Variants in HTR1F observed in about 807,000 individuals in gnomAD.
HTR1F encodes 5-hydroxytryptamine receptor 1F, also known as 5-hydroxytryptamine (serotonin) receptor 1F, G protein-coupled.
Under a neutral mutation model 24.0 loss-of-function variants are expected in HTR1F, and 17 were observed. The observed-to-expected ratio is 0.71, with a 90% confidence interval of 0.48 to 1.06. The LOEUF is 1.06. Among genes scored for constraint, HTR1F ranks in the 50% least tolerant of loss-of-function variants. HTR1F has a pLI of 0.00. For synonymous variants in HTR1F, 186 were observed against 156.8 expected (o/e 1.19, Z -1.39); for missense variants, 391 against 427.8 (o/e 0.91, Z 0.76).
At chr3:87,930,055 G>C (rs1379698691) in intron 2 of HTR1F, among the ~76,000 whole-genome samples, 1 of 151,276 alleles carries the variant, frequency 6.6e-6, no homozygotes, top group Non-Finnish European at 1.5e-5. Context: ...TTATCCTTTT[G>C]AGATTGCCTT....
chr3:87,904,915 C>T (rs1323271365), intron 2 of HTR1F, among the ~76,000 whole-genome samples: 1 of 152,038 alleles, frequency 6.6e-6, no homozygotes, highest in African/African-American at 2.4e-5. Flanking sequence ...ACAGCCTGAT[C>T]TGAGGGGTGG....
At chr3:87,931,001 A>G (rs1559636884) in intron 2 of HTR1F, among the ~76,000 whole-genome samples, 2 of 149,124 alleles carry the variant, frequency 1.3e-5, no homozygotes, top group East Asian at 2.0e-4. Context: ...CTTTTCAACA[A>G]CAGCATACTG....
chr3:87,904,540 A>G, intron 2 of HTR1F, among the ~76,000 whole-genome samples: 1 of 152,200 alleles, frequency 6.6e-6, no homozygotes, highest in East Asian at 1.9e-4. Flanking sequence ...AATACTACAC[A>G]GCAAGAAGAA....
intron 2 of HTR1F, among the ~76,000 whole-genome samples, chr3:87,982,420 G>A (rs188187938): frequency 1.6e-4 from 25 of 152,302 alleles, no homozygotes; most frequent in Middle Eastern, 3.4e-3. Context: ...TTTGGGGCAC[G>A]TAGTGACTGT....
chr3:87,956,879 A>C (rs1704955969), intron 2 of HTR1F, among the ~76,000 whole-genome samples: 1 of 151,266 alleles, frequency 6.6e-6, no homozygotes, highest in Non-Finnish European at 1.5e-5. Flanking sequence ...ATTCCTGTAG[A>C]TTTTCAAAGT....
intron 2 of HTR1F, among the ~76,000 whole-genome samples, chr3:87,936,685 T>C (rs1704428010): frequency 6.6e-6 from 1 of 152,170 alleles, no homozygotes; most frequent in Admixed American, 6.5e-5. Context: ...TATAATTTAG[T>C]TGATTTCATA....
intron 2 of HTR1F, among the ~76,000 whole-genome samples, chr3:87,930,771 C>T (rs893912173): frequency 2.0e-5 from 3 of 152,102 alleles, no homozygotes; most frequent in African/African-American, 7.2e-5. Flanking sequence ...ATGAACAGTG[C>T]CTAACACATA....
intron 1 of HTR1F, chr3:87,793,072 G>A (rs1001529290): frequency 1.3e-5 from 2 of 152,540 alleles, no homozygotes; most frequent in Admixed American, 6.5e-5. Context: ...CTGCTCCCTG[G>A]GGGCGAAGTT....
At chr3:87,906,420 T>C (rs562114865) in intron 2 of HTR1F, among the ~76,000 whole-genome samples, 14 of 152,152 alleles carry the variant, frequency 9.2e-5, no homozygotes, top group Non-Finnish European at 1.6e-4. Flanking sequence ...ATAATTTTTA[T>C]AATGTTTTCT....
chr3:87,817,810 T>C (rs1704277718), intron 1 of HTR1F, among the ~76,000 whole-genome samples: 1 of 152,172 alleles, frequency 6.6e-6, no homozygotes, highest in Non-Finnish European at 1.5e-5. Flanking sequence ...AAAGTTTTCA[T>C]CATTTATTGG....
intron 2 of HTR1F, among the ~76,000 whole-genome samples, chr3:87,842,322 G>A (rs1227778971): frequency 5.3e-5 from 8 of 151,406 alleles, no homozygotes; most frequent in East Asian, 1.9e-4. Context: ...CACCACGCCC[G>A]GCTAATTTTT....
chr3:87,946,066 C>A (rs909125173), intron 2 of HTR1F, among the ~76,000 whole-genome samples: 4 of 152,178 alleles, frequency 2.6e-5, no homozygotes, highest in Non-Finnish European at 5.9e-5. Context: ...ACCGTGGAAC[C>A]CAGTGACTAG....
At chr3:87,850,646 T>A (rs1397181189) in intron 2 of HTR1F, among the ~76,000 whole-genome samples, 3 of 151,682 alleles carry the variant, frequency 2.0e-5, no homozygotes, top group African/African-American at 7.3e-5. Flanking sequence ...AATTAAAAAT[T>A]ATGATATATT....
chr3:87,824,373 G>A (rs886819811), intron 2 of HTR1F, among the ~76,000 whole-genome samples: 1 of 152,100 alleles, frequency 6.6e-6, no homozygotes, highest in Non-Finnish European at 1.5e-5. Context: ...AATGCGACAT[G>A]ATTGGATCCC....
intron 1 of HTR1F, among the ~76,000 whole-genome samples, chr3:87,795,213 T>A (rs940583613): frequency 1.3e-5 from 2 of 152,186 alleles, no homozygotes; most frequent in Non-Finnish European, 2.9e-5. Flanking sequence ...CTCGATCTCC[T>A]GACCTCGTGA....
chr3:87,915,817 G>A (rs540575119), intron 2 of HTR1F, among the ~76,000 whole-genome samples: 1 of 152,266 alleles, frequency 6.6e-6, no homozygotes, highest in South Asian at 2.1e-4. Flanking sequence ...CCCCAGCCAT[G>A]CTAGAGACCT....
intron 2 of HTR1F, among the ~76,000 whole-genome samples, chr3:87,909,585 A>T (rs758107153): frequency 4.6e-5 from 7 of 152,056 alleles, no homozygotes; most frequent in Non-Finnish European, 7.4e-5. Context: ...CGAGATACAA[A>T]ATCAATTTTA....
intron 1 of HTR1F, among the ~76,000 whole-genome samples, chr3:87,794,039 C>T (rs747898476): frequency 2.7e-5 from 4 of 150,874 alleles, no homozygotes; most frequent in African/African-American, 4.9e-5. Flanking sequence ...CGCTCTAGTT[C>T]TATTTACATA....
chr3:87,974,088 T>C (rs1705342320), intron 2 of HTR1F, among the ~76,000 whole-genome samples: 1 of 152,196 alleles, frequency 6.6e-6, no homozygotes, highest in South Asian at 2.1e-4. Flanking sequence ...ATGCCACTGC[T>C]GAAACCTCGT....
Sources: allele counts gnomAD v4.1 joint callset (sites outside exome capture counted in the v4.1 genomes callset), GRCh38; gene constraint gnomAD v4.1.1; transcripts MANE v1.5; gene names NCBI Gene and HGNC (gene_info 2026-07-23, HGNC 2026-07-21).